Variants in SORCS2 observed in about 807,000 individuals in gnomAD.
The protein encoded by SORCS2 is sortilin related VPS10 domain containing receptor 2, also known as VPS10 domain-containing receptor SorCS2.
Under a neutral mutation model 141.6 loss-of-function variants are expected in SORCS2, and 100 were observed. The ratio of observed to expected loss-of-function variants is 0.71; its 90% CI spans 0.60 to 0.83. The LOEUF (loss-of-function observed/expected upper bound fraction) is 0.83. Among genes scored for constraint, SORCS2 ranks in the 40% least tolerant of loss-of-function variants. SORCS2 has a pLI of 0.00. For synonymous variants in SORCS2, 789 were observed against 676.9 expected, an observed-to-expected ratio of 1.17 and a Z score of -2.57; for missense variants, 1,646 against 1,560.2, an observed-to-expected ratio of 1.05 and a Z score of -0.93.
At chr4:7,711,419 G>A (rs879889223) in intron 14 of SORCS2, among the ~76,000 whole-genome samples, 1 of 152,188 alleles carries the variant, frequency 6.6e-6, no homozygotes, top group African/African-American at 2.4e-5. Flanking sequence ...CCAGTTGGGG[G>A]TGCTCAGACA....
rs114804544 is a variant in SORCS2 at position 7,614,255 on chromosome 4, C to T, written c.649-24073C>T. ...CCCATAATCCACCTATCCGTCCACC[C>T]ATCCACTCATCCATCCACCCATCCA... On this transcript the variant is annotated intron_variant, in intron 3 of 26. Transcript: ENST00000507866. Among the ~76,000 whole-genome samples, 346 of 150,942 alleles carry T rather than the reference C, an allele frequency of 2.3e-3. 1 individual carries two copies. Among genetic ancestry groups the T allele is most frequent in the African/African-American group, 8.0e-3 (327 of 41,100 alleles).
intron 3 of SORCS2, among the ~76,000 whole-genome samples, chr4:7,623,930 T>A (rs4689803): frequency 0.77 from 117,521 of 152,050 alleles, 45,867 homozygotes; most frequent in East Asian, 0.96. Context: ...CTGCAGCAGC[T>A]GTCAGGGCTC....
chr4:7,371,160 T>C (rs1722221045), intron 1 of SORCS2, among the ~76,000 whole-genome samples: 1 of 152,190 alleles, frequency 6.6e-6, no homozygotes, highest in African/African-American at 2.4e-5. Context: ...GGTGGAAACG[T>C]GGGTGCAGGT....
chr4:7,422,303 G>T (rs549829476), intron 2 of SORCS2, among the ~76,000 whole-genome samples: 1 of 152,258 alleles, frequency 6.6e-6, no homozygotes, highest in East Asian at 1.9e-4. Flanking sequence ...TGGGACAAGG[G>T]GCCCCCAGGC....
intron 1 of SORCS2, among the ~76,000 whole-genome samples, chr4:7,305,629 G>A (rs999637648): frequency 2.0e-5 from 3 of 152,132 alleles, no homozygotes; most frequent in African/African-American, 7.2e-5. Context: ...AGCTGTTTTT[G>A]CTCATATGAA....
chr4:7,564,075 G>A (rs184073231), intron 3 of SORCS2, among the ~76,000 whole-genome samples: 91 of 152,302 alleles, frequency 6.0e-4, no homozygotes, highest in Admixed American at 2.1e-3. Flanking sequence ...GTTAGCTTCA[G>A]CCCAGGAAGA....
chr4:7,594,405 A>G (rs1386272937), intron 3 of SORCS2, among the ~76,000 whole-genome samples: 1 of 152,250 alleles, frequency 6.6e-6, no homozygotes, highest in East Asian at 1.9e-4. Flanking sequence ...GCACACACAC[A>G]TAGCCAGCAG....
intron 2 of SORCS2, among the ~76,000 whole-genome samples, chr4:7,467,755 C>T (rs987725921): frequency 6.6e-6 from 1 of 152,366 alleles, no homozygotes; most frequent in Admixed American, 6.5e-5. Flanking sequence ...AAATGAGGGG[C>T]TGCATTCCAA....
At chr4:7,358,474 C>A (rs190832798) in intron 1 of SORCS2, among the ~76,000 whole-genome samples, 2 of 152,230 alleles carry the variant, frequency 1.3e-5, no homozygotes, top group African/African-American at 4.8e-5. Context: ...GATTGGGATG[C>A]CAGAGTACTG....
intron 1 of SORCS2, among the ~76,000 whole-genome samples, chr4:7,323,939 CG>C (rs1370400742): frequency 6.6e-6 from 1 of 152,172 alleles, no homozygotes; most frequent in African/African-American, 2.4e-5. Context: ...TGGGAGGGGA[CG>C]GGGACTAACA....
intron 8 of SORCS2, among the ~76,000 whole-genome samples, chr4:7,670,669 G>A (rs1722742857): frequency 6.6e-6 from 1 of 152,172 alleles, no homozygotes; most frequent in South Asian, 2.1e-4. Flanking sequence ...CAGTTTCCAG[G>A]GCAAGGCATG....
chr4:7,233,168 C>T lies in SORCS2; in HGVS notation c.480+40042C>T, dbSNP rs1297447367. Among the ~76,000 whole-genome samples, 1 of 152,168 alleles carries T rather than the reference C, an allele frequency of 6.6e-6. No homozygotes were observed. The highest frequency in any genetic ancestry group is 1.5e-5 in the Non-Finnish European group (1 of 68,010). On this transcript the variant is annotated intron_variant, in intron 1 of 26. Coordinates refer to ENST00000507866, the MANE Select transcript of SORCS2 (RefSeq NM_020777.3). The surrounding 1 kb of genome is among the most constrained non-coding windows in gnomAD (Gnocchi z 4.5). ...CAAGGTACCCGAGGGAGGCCAGGTACTGTCACTGCAGGCAGCAGGAACGGC... is the reference window on the plus strand; with the variant it reads ...CAAGGTACCCGAGGGAGGCCAGGTATTGTCACTGCAGGCAGCAGGAACGGC...
chr4:7,267,078 C>T (rs569489782), intron 1 of SORCS2, among the ~76,000 whole-genome samples: 7 of 152,022 alleles, frequency 4.6e-5, no homozygotes, highest in African/African-American at 7.3e-5. Flanking sequence ...CCACAAAGCA[C>T]GAAATAGTTT....
intron 1 of SORCS2, among the ~76,000 whole-genome samples, chr4:7,387,695 C>T (rs1386449934): frequency 3.7e-5 from 5 of 135,970 alleles, no homozygotes; most frequent in East Asian, 2.1e-4. Flanking sequence ...CACAGAGATA[C>T]ACACGCACAT....
intron 1 of SORCS2, among the ~76,000 whole-genome samples, chr4:7,196,016 C>T (rs1727146642): frequency 1.3e-5 from 2 of 152,126 alleles, no homozygotes; most frequent in African/African-American, 4.8e-5. Flanking sequence ...TGAGAGCATC[C>T]CACAAGAAGC....
intron 3 of SORCS2, among the ~76,000 whole-genome samples, chr4:7,632,728 T>C (rs1470477853): frequency 5.9e-5 from 9 of 152,042 alleles, no homozygotes; most frequent in African/African-American, 2.2e-4. Flanking sequence ...TGCCCATTCA[T>C]TGGGATCACG....
intron 3 of SORCS2, among the ~76,000 whole-genome samples, chr4:7,579,863 A>G (rs1283454009): frequency 6.6e-6 from 1 of 152,142 alleles, no homozygotes; most frequent in Non-Finnish European, 1.5e-5. Flanking sequence ...TTCTACCTAG[A>G]GGGATCCAGG....
chr4:7,573,342 C>T (rs1400737538), intron 3 of SORCS2, among the ~76,000 whole-genome samples: 1 of 152,182 alleles, frequency 6.6e-6, no homozygotes, highest in Middle Eastern at 3.2e-3. Flanking sequence ...CAAATGTTGA[C>T]AGGTCCCAGT....
At chr4:7,527,276 A>G (rs35060671) in intron 2 of SORCS2, among the ~76,000 whole-genome samples, 62,375 of 152,206 alleles carry the variant, frequency 0.41, 16,132 homozygotes, top group East Asian at 0.9. Flanking sequence ...AACTGTGACT[A>G]TGCTACCTTA....
Sources: allele counts gnomAD v4.1 joint callset (sites outside exome capture counted in the v4.1 genomes callset), GRCh38; gene constraint gnomAD v4.1.1; non-coding constraint Gnocchi (gnomAD v3.1); transcripts MANE v1.5; gene names NCBI Gene and HGNC (gene_info 2026-07-23, HGNC 2026-07-21).